The following AEN variants were observed in gnomAD, a reference collection of about 807,000 sequenced individuals.
AEN encodes apoptosis-enhancing nuclease.
Under a neutral mutation model 17.7 loss-of-function variants are expected in AEN, and 21 were observed. The ratio of observed to expected loss-of-function variants is 1.19; its 90% CI spans 0.84 to 1.71. AEN has a LOEUF of 1.71. Among genes scored for constraint, AEN ranks in the 40% most tolerant of loss-of-function variants. The pLI is 0.00. For missense variants in AEN, 462 were observed against 435.9 expected, an observed-to-expected ratio of 1.06 and a Z score of -0.53; for synonymous variants, 190 against 173.0, an observed-to-expected ratio of 1.10 and a Z score of -0.77.
At chr15:88,619,477 C>T (rs1295188360), upstream of AEN, among the ~76,000 whole-genome samples, 2 of 152,140 alleles carry the variant, frequency 1.3e-5, no homozygotes, top group Non-Finnish European at 1.5e-5. Flanking sequence ...ATCACGAGGT[C>T]GGGAGTTCGA....
rs1302611709 is a variant in AEN at position 88,631,207 on chromosome 15, C to T, written c.*913C>T. 2 of 456,108 alleles carry T rather than the reference C, an allele frequency of 4.4e-6. 1 individual carries two copies. Among genetic ancestry groups the T allele is most frequent in the Non-Finnish European group, 8.8e-6 (2 of 226,604 alleles). The allele number at this position is 456,108 out of a possible 1,614,324, so 28.3% of individuals were successfully genotyped here. On this transcript the variant is annotated 3_prime_UTR_variant, in exon 4 of 4. Transcript: ENST00000332810. ...TGCCTGACCTTTATTTATTTATTAACAGCAGGGCCACTCGTCTAGGGCAGT... is the reference window on the plus strand; with the variant it reads ...TGCCTGACCTTTATTTATTTATTAATAGCAGGGCCACTCGTCTAGGGCAGT...
chr15:88,611,213 G>A, the AEN span, among the ~76,000 whole-genome samples: 1 of 152,176 alleles, frequency 6.6e-6, no homozygotes, highest in South Asian at 2.1e-4. Context: ...CTTCTGCATG[G>A]TGGTTCAATG....
At chr15:88,623,753 A>T (rs774616594) in intron 1 of AEN, among the ~76,000 whole-genome samples, 9 of 152,250 alleles carry the variant, frequency 5.9e-5, no homozygotes, top group African/African-American at 9.6e-5. Flanking sequence ...TCACTTGGCC[A>T]GTAGAGACCA....
Position 88,630,677 on chromosome 15 carries a change from TATC to T in AEN, c.*387_*389del, listed in dbSNP as rs1254069661. On this transcript the variant is annotated 3_prime_UTR_variant, in exon 4 of 4. Transcript: ENST00000332810. The surrounding 1 kb of genome is among the most constrained non-coding windows in gnomAD (Gnocchi z 5.1). ...CATGCTGTGCTAATGAAAGGGATCA[TATC>T]ATCCTCTCTGGGGATGGTGGGTGGG... The T allele has an allele frequency of 1.2e-5, 3 of 250,572 alleles. No individual in the cohort carries two copies. Among genetic ancestry groups the T allele is most frequent in the Non-Finnish European group, 2.4e-5 (3 of 124,572 alleles). 15.5% of individuals were successfully genotyped at this position (250,572 alleles called of 1,614,324 possible).
At chr15:88,622,169 T>C (rs1457112081) in intron 1 of AEN, among the ~76,000 whole-genome samples, 1 of 152,136 alleles carries the variant, frequency 6.6e-6, no homozygotes, top group African/African-American at 2.4e-5. Flanking sequence ...CTCCATTGAC[T>C]CTGCAGCTGG....
Position 88,630,212 on chromosome 15 carries a change from A to G in AEN, c.896A>G (p.Tyr299Cys), listed in dbSNP as rs1336702519. 2.5e-6 allele frequency: 4 copies of G among 1,610,456 alleles called. No homozygotes were observed. In the South Asian group the frequency reaches 4.4e-5, roughly 18 times the overall value. The change falls in exon 4 of 4, where the codon TAC becomes TGC. Residue 299 changes from tyrosine to cysteine, a missense_variant. Physicochemically the swap from Tyr to Cys is radical, Grantham distance 194 (BLOSUM62 -2). Coordinates refer to ENST00000332810, the MANE Select transcript of AEN (RefSeq NM_022767.4). The surrounding 1 kb of genome is among the most constrained non-coding windows in gnomAD (Gnocchi z 5.1). ...EPDSSTDMEQ[Y>C]MEDQYWPDDL... is the part of the protein sequence containing the mutation. ...GACAGCAGCACAGACATGGAACAGT[A>G]CATGGAGGACCAGTACTGGCCCGAT...
intron 2 of AEN, chr15:88,626,958 C>T: frequency 1.7e-6 from 1 of 598,618 alleles, no homozygotes; most frequent in South Asian, 2.0e-5. Flanking sequence ...TGGCCTGTTG[C>T]ACAGGACAAT....
chr15:88,612,569 C>G, the AEN span, among the ~76,000 whole-genome samples: 1 of 133,170 alleles, frequency 7.5e-6, no homozygotes, highest in Non-Finnish European at 1.6e-5. Flanking sequence ...CATTTCCCAG[C>G]CTTTTATTTA....
upstream of AEN, among the ~76,000 whole-genome samples, chr15:88,620,472 T>G (rs1213806982): frequency 6.6e-6 from 1 of 151,984 alleles, no homozygotes; most frequent in East Asian, 1.9e-4. Flanking sequence ...TGGAGTGCAA[T>G]GGCGCGATCT....
the AEN span, among the ~76,000 whole-genome samples, chr15:88,609,285 A>G: frequency 1.3e-5 from 2 of 152,174 alleles, no homozygotes; most frequent in African/African-American, 4.8e-5. Flanking sequence ...GTTGTGCTTA[A>G]AGTAGGGCTG....
intron 3 of AEN, among the ~76,000 whole-genome samples, 162 bp from the exon 4 acceptor site, chr15:88,629,896 A>G (rs865993172): frequency 8.5e-5 from 13 of 152,184 alleles, no homozygotes; most frequent in Non-Finnish European, 1.0e-4. Flanking sequence ...TGCATGGCTT[A>G]TGGTGTACAG....
At chr15:88,620,546 CT>C (rs201423450), upstream of AEN, among the ~76,000 whole-genome samples, 2,161 of 151,264 alleles carry the variant, frequency 0.014, 44 homozygotes, top group African/African-American at 0.05. Context: ...TCCCGAGTAG[CT>C]GGGATTACAG....
chr15:88,617,569 A>C (rs894551982), upstream of AEN, among the ~76,000 whole-genome samples: 1 of 152,154 alleles, frequency 6.6e-6, no homozygotes, highest in Admixed American at 6.5e-5. Context: ...TTTAAAGTAC[A>C]TGAAAAAACT....
intron 1 of AEN, among the ~76,000 whole-genome samples, chr15:88,625,211 A>G (rs2057836074): frequency 1.3e-5 from 2 of 152,196 alleles, no homozygotes. Context: ...ATGAATTACA[A>G]CGTCAGGTAA....
At chr15:88,612,387 G>A in the AEN span, among the ~76,000 whole-genome samples, 9 of 152,018 alleles carry the variant, frequency 5.9e-5, no homozygotes, top group Non-Finnish European at 1.3e-4. Context: ...GAGCTTGTCT[G>A]GTGCCTGCTC....
At chr15:88,629,563 T>A (rs1369885168) in intron 3 of AEN, 137 bp downstream of exon 3, 2 of 1,030,700 alleles carry the variant, frequency 1.9e-6, no homozygotes, top group Non-Finnish European at 1.4e-6. Flanking sequence ...GGGACCTTGC[T>A]TAAATGGGTC....
chr15:88,629,485 G>A, intron 3 of AEN, 59 bp downstream of exon 3: 1 of 1,575,654 alleles, frequency 6.3e-7, no homozygotes. Context: ...CATGCCACCT[G>A]AGCCACAGAC....
the AEN span, among the ~76,000 whole-genome samples, chr15:88,606,181 A>T: frequency 6.6e-6 from 1 of 152,120 alleles, no homozygotes; most frequent in South Asian, 2.1e-4. Context: ...AAAAATCGCC[A>T]CATTTAAATC....
chr15:88,628,421 T>A (rs1165335387), intron 2 of AEN: 3 of 151,608 alleles, frequency 2.0e-5, no homozygotes, highest in Admixed American at 6.6e-5. Context: ...TGCTGGCCCA[T>A]GGCCCTGGGC....
Sources: gnomAD v4.1 joint callset for allele counts (sites outside exome capture counted in the v4.1 genomes callset) on GRCh38, gnomAD v4.1.1 for gene constraint, Gnocchi (gnomAD v3.1) non-coding constraint, MANE v1.5 for transcripts, NCBI Gene and HGNC (gene_info 2026-07-23, HGNC 2026-07-21) for gene names.